UTP14A: variants seen among roughly 807,000 people sequenced by gnomAD.
UTP14A encodes the protein U3 small nucleolar RNA-associated protein 14 homolog A.
In UTP14A, 5 loss-of-function variants were observed where a neutral mutation model predicts 57.2. The observed-to-expected ratio is 0.09, with a 90% CI of 0.05 to 0.18. The LOEUF (loss-of-function observed/expected upper bound fraction) is 0.18, where lower values mean the gene tolerates loss of function less well. UTP14A is among the 10% of genes least tolerant of loss of function. The pLI is 1.00. For synonymous variants in UTP14A, 169 were observed against 210.9 expected (o/e 0.80, Z 1.72); for missense variants, 430 against 562.1 (o/e 0.76, Z 2.38).
intron 10 of UTP14A, 155 bp from the exon 11 acceptor site, chrX:129,921,039 T>C (rs1478735248): frequency 9.6e-6 from 7 of 725,454 alleles, no homozygotes; most frequent in Non-Finnish European, 1.1e-5. Context: ...CCATAGCTAT[T>C]AACCCAGCAT....
intron 11 of UTP14A, among the ~76,000 whole-genome samples, chrX:129,924,283 C>CTTTTTTTTT (rs556719731): frequency 3.6e-4 from 30 of 82,538 alleles, no homozygotes; most frequent in Non-Finnish European, 6.8e-4. Flanking sequence ...TCACATGCTA[C>CTTTTTTTTT]TTTTTTTTTT....
rs982824905 is a variant in UTP14A, at chrX:129,912,540, A to T, written c.537+619A>T. 8.1e-5 allele frequency among the ~76,000 whole-genome samples: 9 copies of T among 111,124 alleles called. No individual in the cohort carries two copies. In the East Asian group the frequency reaches 2.5e-3, roughly 31 times the overall value. On this transcript the variant is annotated intron_variant, in intron 6 of 14. Coordinates refer to ENST00000394422, the MANE Select transcript of UTP14A (RefSeq NM_006649.4). ...AATAATGTTTTCTTTCTTTTACCCC[A>T]GTTTTTAAAAAGCATTTAAAGCCAC... is the stretch of plus-strand genomic sequence containing the variant.
Position 129,929,633 on chromosome X carries a change from A to G in UTP14A, c.*25A>G, listed in dbSNP as rs1055037. On this transcript the variant is annotated 3_prime_UTR_variant, in exon 15 of 15. Transcript: ENST00000394422. ...AGTTGCTGGAGGAGTGACAGCCAGG[A>G]GCCCTGACTTCACTTCCTTTGGTCC... is the stretch of plus-strand genomic sequence containing the variant. 8.3e-7 allele frequency: 1 copy of G among 1,199,093 alleles called. No homozygotes were observed. The highest frequency in any genetic ancestry group is 1.8e-5 in the South Asian group (1 of 54,918).
chrX:129,926,653 C>A (rs969429599), intron 14 of UTP14A, among the ~76,000 whole-genome samples: 40 of 112,078 alleles, frequency 3.6e-4, no homozygotes, highest in African/African-American at 1.3e-3. Flanking sequence ...AGTTGTGTCA[C>A]ATGATAATGA....
intron 10 of UTP14A, 106 bp from the exon 11 acceptor site, chrX:129,921,088 A>C (rs1286786288): frequency 8.9e-7 from 1 of 1,127,425 alleles, no homozygotes; most frequent in Non-Finnish European, 1.2e-6. Context: ...AGTAAGAAAT[A>C]CTCACCAAGT....
chrX:129,911,142 A>G lies in UTP14A; in HGVS notation c.373A>G (p.Ile125Val). 8.3e-7 allele frequency: 1 copy of G among 1,209,111 alleles called. No homozygotes were observed. The change falls in exon 5 of 15, where the codon ATT (isoleucine) becomes GTT (valine). Residue 125 changes from isoleucine to valine, a missense_variant. Ile to Val is a conservative substitution (Grantham distance 29, BLOSUM62 3). Coordinates refer to ENST00000394422, the MANE Select transcript of UTP14A (RefSeq NM_006649.4). ...GGAGTTACCTCTGAACAAAGAAGAG[A>G]TTGAACGGGTAAGCTACAGAGAAGG... The part of the protein sequence containing the change: ...TVELPLNKEE[I>V]ERIHREVAFN...
chrX:129,915,951 CTTT>C (rs767150196), intron 6 of UTP14A, among the ~76,000 whole-genome samples: 1 of 81,935 alleles, frequency 1.2e-5, no homozygotes, highest in Non-Finnish European at 2.3e-5. Flanking sequence ...AATTCCATGA[CTTT>C]TTTTTTTTTT....
At chrX:129,911,289 A>C in intron 5 of UTP14A, 139 bp downstream of exon 5, 1 of 882,273 alleles carries the variant, frequency 1.1e-6, no homozygotes, top group Non-Finnish European at 1.6e-6. Flanking sequence ...AAGATTAAAA[A>C]TAATCTAGGA....
At position 129,907,939 on chromosome X, in the gene UTP14A, G is replaced by T; in HGVS notation, c.103-121G>T. ...CCACTGCACTCCATCCTGGGCAACA[G>T]AGCGAGACGCCGTCTCAAAAATAAA... On this transcript the variant is annotated intron_variant, in intron 2 of 14. Transcript: ENST00000394422. 4.8e-6 allele frequency: 3 copies of T among 625,198 alleles called. No homozygotes were observed. In the South Asian group the frequency reaches 7.8e-5, roughly 16 times the overall value. 51.5% of individuals were successfully genotyped at this position (625,198 alleles called of 1,213,427 possible). A position where few individuals can be genotyped will look rare whatever the true frequency, so the allele number is the denominator to read the frequency against.
At chrX:129,910,912 C>T (rs866114772) in intron 4 of UTP14A, 96 bp from the exon 5 acceptor site, 1 of 1,061,216 alleles carries the variant, frequency 9.4e-7, no homozygotes, top group Middle Eastern at 3.7e-4. Flanking sequence ...TGCACATTTG[C>T]CATCTACTGG....
At chrX:129,927,907 A>T (rs764059489) in intron 14 of UTP14A, among the ~76,000 whole-genome samples, 1 of 111,763 alleles carries the variant, frequency 8.9e-6, no homozygotes, top group African/African-American at 3.3e-5. Flanking sequence ...GAAGGTAGCA[A>T]TGTGGTGGAG....
At chrX:129,913,707 G>A (rs1285327011) in intron 6 of UTP14A, among the ~76,000 whole-genome samples, 2 of 112,564 alleles carry the variant, frequency 1.8e-5, no homozygotes, top group Non-Finnish European at 3.7e-5. Flanking sequence ...GGGGCCGGGT[G>A]TGGTGGCTCA....
At chrX:129,910,398 T>A (rs983161891) in intron 4 of UTP14A, among the ~76,000 whole-genome samples, 3 of 111,323 alleles carry the variant, frequency 2.7e-5, no homozygotes, top group African/African-American at 9.8e-5. Flanking sequence ...GAAAGATAAT[T>A]TTGGGCTGGA....
At chrX:129,906,354 C>T in intron 1 of UTP14A, 118 bp downstream of exon 1, 1 of 695,241 alleles carries the variant, frequency 1.4e-6, no homozygotes, top group South Asian at 2.5e-5. Flanking sequence ...GAAGAGCTGG[C>T]CATTCGTTCC....
At chrX:129,918,061 A>G (rs1929755875) in intron 6 of UTP14A, among the ~76,000 whole-genome samples, 1 of 111,894 alleles carries the variant, frequency 8.9e-6, no homozygotes, top group South Asian at 3.7e-4. Context: ...TGTCCTAGGT[A>G]TACCATCAGT....
In UTP14A at chrX:129,911,095, G is replaced by A. The variant is rs927725469; in HGVS notation, c.326G>A (p.Arg109Lys). ...GCCACTGTGAAAAAGCAACTGAGTA[G>A]AGTCAAATCAAAGAAGACAGTGGAG... ...SLATVKKQLSRVKSKKTVELP... is the reference protein window; with the variant it reads ...SLATVKKQLSKVKSKKTVELP... Residue 109 changes from arginine to lysine, a missense_variant, in exon 5 of 15, where the codon AGA becomes AAA. Arg to Lys is a conservative substitution (Grantham distance 26, BLOSUM62 2). This residue lies in a region of UTP14A where 145 missense variants were observed against 153.5 expected (regional missense o/e 0.94). Coordinates refer to ENST00000394422, the MANE Select transcript of UTP14A (RefSeq NM_006649.4). 5 of 1,209,762 alleles carry A rather than the reference G, an allele frequency of 4.1e-6. No individual in the cohort carries two copies. Among genetic ancestry groups the A allele is most frequent in the Non-Finnish European group, 5.6e-6 (5 of 895,242 alleles).
chrX:129,907,241 A>C, intron 1 of UTP14A, 126 bp from the exon 2 acceptor site: 1 of 506,717 alleles, frequency 2.0e-6, no homozygotes, highest in Non-Finnish European at 3.1e-6. Flanking sequence ...TTAATAGATT[A>C]GACATTGCTT....
chrX:129,924,782 T>C lies in UTP14A; in HGVS notation c.1349-13T>C. 1 of 1,189,051 alleles carries C rather than the reference T, an allele frequency of 8.4e-7. No individual in the cohort carries two copies. Among genetic ancestry groups the C allele is most frequent in the Non-Finnish European group, 1.1e-6 (1 of 887,765 alleles). Reference sequence around the variant, plus strand: ...CCTCATTTTCTGACAGTTTTCATTCTTTTTTCCCCCAGATTCTGGCAGCCA... The same window carrying C: ...CCTCATTTTCTGACAGTTTTCATTCCTTTTTCCCCCAGATTCTGGCAGCCA... On this transcript the variant is annotated splice_polypyrimidine_tract_variant and intron_variant, in intron 11 of 14. Coordinates refer to ENST00000394422, the MANE Select transcript of UTP14A (RefSeq NM_006649.4).
intron 6 of UTP14A, among the ~76,000 whole-genome samples, chrX:129,918,306 G>C (rs767935177): frequency 2.8e-5 from 3 of 107,146 alleles, no homozygotes; most frequent in Non-Finnish European, 5.8e-5. Flanking sequence ...AGGATCACTT[G>C]AGCACTAGAG....
Sources: allele counts gnomAD v4.1 joint callset (sites outside exome capture counted in the v4.1 genomes callset), GRCh38; gene constraint gnomAD v4.1.1; regional missense constraint gnomAD v4.1.1; transcripts MANE v1.5; gene names NCBI Gene and HGNC (gene_info 2026-07-23, HGNC 2026-07-21).